FOXA1: variants seen among roughly 807,000 people sequenced by gnomAD.
The protein encoded by FOXA1 is hepatocyte nuclear factor 3-alpha.
FOXA1 carries 9 observed loss-of-function variants against 29.2 expected under a neutral mutation model. The ratio of observed to expected loss-of-function variants is 0.31; its 90% CI spans 0.19 to 0.54. The LOEUF is 0.54. FOXA1 is among the 20% of genes least tolerant of loss of function. The pLI is 0.95. For synonymous variants in FOXA1, 340 were observed against 300.9 expected (o/e 1.13, Z -1.34); for missense variants, 644 against 681.2 (o/e 0.95, Z 0.61).
intron 1 of FOXA1, 42 bp from the exon 2 acceptor site, chr14:37,592,753 G>C: frequency 6.2e-7 from 1 of 1,603,176 alleles, no homozygotes; most frequent in East Asian, 2.2e-5. Flanking sequence ...GGAGGGCGGG[G>C]TTAGTGGTGG....
chr14:37,590,682 G>A lies in FOXA1; in HGVS notation c.*683C>T, dbSNP rs1275782659. 1.3e-5 allele frequency: 3 copies of A among 231,076 alleles called. No homozygotes were observed. The highest frequency in any genetic ancestry group is 1.3e-4 in the East Asian group (2 of 15,926). 14.3% of individuals were successfully genotyped at this position (231,076 alleles called of 1,614,324 possible). ...TATGTTATGTAAATATACGGAGGATGTCTACACATCTGAGCATGTGCATAA... is the reference window on the plus strand; with the variant it reads ...TATGTTATGTAAATATACGGAGGATATCTACACATCTGAGCATGTGCATAA... On this transcript the variant is annotated 3_prime_UTR_variant, in exon 2 of 2. Coordinates refer to ENST00000250448, the MANE Select transcript of FOXA1 (RefSeq NM_004496.5).
chr14:37,593,923 C>A, intron 1 of FOXA1: 1 of 424,730 alleles, frequency 2.4e-6, no homozygotes, highest in African/African-American at 2.2e-5. Context: ...AATATGAGAA[C>A]AAATAGATTT....
At chr14:37,594,679 C>T (rs1164757143) in intron 1 of FOXA1, 1 of 237,816 alleles carries the variant, frequency 4.2e-6, no homozygotes, top group African/African-American at 2.3e-5. Context: ...CCTAAAACTC[C>T]CTCTCCGGCT....
In FOXA1 at chr14:37,590,695, A is replaced by T. The variant is rs1201638256; in HGVS notation, c.*670T>A. 1 of 233,122 alleles carries T rather than the reference A, an allele frequency of 4.3e-6. No homozygotes were observed. Among genetic ancestry groups the T allele is most frequent in the Non-Finnish European group, 8.5e-6 (1 of 117,960 alleles). 14.4% of individuals were successfully genotyped at this position (233,122 alleles called of 1,614,324 possible). On this transcript the variant is annotated 3_prime_UTR_variant, in exon 2 of 2. Transcript: ENST00000250448. ...TATACGGAGGATGTCTACACATCTG[A>T]GCATGTGCATAATTAAGTCCATACA... is the stretch of plus-strand genomic sequence containing the variant.
chr14:37,594,134 G>T (rs896409630), intron 1 of FOXA1: 1 of 1,287,582 alleles, frequency 7.8e-7, no homozygotes, highest in Admixed American at 2.3e-5. Flanking sequence ...TCCAATACGC[G>T]TTTTCAATAA....
In FOXA1 at chr14:37,589,897, A is replaced by T. The variant is rs1002749626; in HGVS notation, c.*1468T>A. The T allele has an allele frequency of 1.3e-5, 3 of 231,508 alleles. No homozygotes were observed. The highest frequency in any genetic ancestry group is 2.6e-5 in the Non-Finnish European group (3 of 117,128). 14.3% of individuals were successfully genotyped at this position (231,508 alleles called of 1,614,324 possible). A position where few individuals can be genotyped will look rare whatever the true frequency, so the allele number is the denominator to read the frequency against. On this transcript the variant is annotated 3_prime_UTR_variant, in exon 2 of 2. Coordinates refer to ENST00000250448, the MANE Select transcript of FOXA1 (RefSeq NM_004496.5). ...AATTTTATTTTCATTTTTGTCATTT[A>T]TATTCAGTTCTAGAATTTGAAAAAT...
intron 1 of FOXA1, chr14:37,594,445 G>C: frequency 1.1e-6 from 1 of 943,732 alleles, no homozygotes; most frequent in Non-Finnish European, 1.3e-6. Context: ...TCATTATTGA[G>C]ACACCCAACT....
chr14:37,594,248 G>A (rs2095599443), intron 1 of FOXA1: 1 of 1,269,362 alleles, frequency 7.9e-7, no homozygotes, highest in Non-Finnish European at 1.0e-6. Context: ...ATCCTTTTGT[G>A]CACATTGTAA....
At chr14:37,594,871 A>C (rs977327319) in intron 1 of FOXA1, 30 bp downstream of exon 1, 1 of 1,518,322 alleles carries the variant, frequency 6.6e-7, no homozygotes. Flanking sequence ...GCGGCGCCCC[A>C]CCGGCCGCCC....
rs1352571715 is a variant in FOXA1 at position 37,590,902 on chromosome 14, A to C, written c.*463T>G. On this transcript the variant is annotated 3_prime_UTR_variant, in exon 2 of 2. Coordinates refer to ENST00000250448, the MANE Select transcript of FOXA1 (RefSeq NM_004496.5). Reference sequence around the variant, plus strand: ...TTGTTTCTTCACCATTTCAATTCTTATGGTTAAGAGTATTGCCACAGACCT... The same window carrying C: ...TTGTTTCTTCACCATTTCAATTCTTCTGGTTAAGAGTATTGCCACAGACCT... 10 of 305,640 alleles carry C rather than the reference A, an allele frequency of 3.3e-5. No homozygotes were observed. The highest frequency in any genetic ancestry group is 6.2e-5 in the Non-Finnish European group (10 of 162,264). 18.9% of individuals were successfully genotyped at this position (305,640 alleles called of 1,614,324 possible).
chr14:37,589,946 C>T lies in FOXA1; in HGVS notation c.*1419G>A, dbSNP rs1325871902. ...ATATCGTATTCAGAAATATTCACTT[C>T]GGATTTAGTTAAGTGAAAAAAAATA... On this transcript the variant is annotated 3_prime_UTR_variant, in exon 2 of 2. Transcript: ENST00000250448. The T allele has an allele frequency of 8.6e-6, 2 of 231,644 alleles. No homozygotes were observed. Among genetic ancestry groups the T allele is most frequent in the African/African-American group, 4.4e-5 (2 of 45,202 alleles). 14.3% of individuals were successfully genotyped at this position (231,644 alleles called of 1,614,324 possible).
rs397977776 is a variant in FOXA1, at chr14:37,589,736, A to AG, written c.*1628_*1629insC. Among the ~76,000 whole-genome samples, 4 of 149,402 alleles carry AG rather than the reference A, an allele frequency of 2.7e-5. No individual in the cohort carries two copies. The highest frequency in any genetic ancestry group is 9.9e-5 in the African/African-American group (4 of 40,242). ...GCCGGTGTCAAAAAAAAAAAAAAAA[A>AG]TGAAGTAAACATCACTGGGAATAAA... On this transcript the variant is annotated 3_prime_UTR_variant, in exon 2 of 2. Coordinates refer to ENST00000250448, the MANE Select transcript of FOXA1 (RefSeq NM_004496.5).
At chr14:37,594,711 G>A in intron 1 of FOXA1, 190 bp downstream of exon 1, 1 of 275,128 alleles carries the variant, frequency 3.6e-6, no homozygotes, top group Admixed American at 5.4e-5. Context: ...GACAGAGCAG[G>A]GCAGCAGGTC....
chr14:37,591,828 T>G lies in FOXA1; in HGVS notation c.956A>C (p.Gln319Pro). 6.9e-7 allele frequency: 1 copy of G among 1,456,392 alleles called. No homozygotes were observed. Among genetic ancestry groups the G allele is most frequent in the Non-Finnish European group, 9.0e-7 (1 of 1,109,160 alleles). The allele number at this position is 1,456,392 out of a possible 1,614,324, so 90.2% of individuals were successfully genotyped here. A position where few individuals can be genotyped will look rare whatever the true frequency, so the allele number is the denominator to read the frequency against. The stretch of plus-strand genomic sequence containing the variant: ...CCCGGGGGCCGGCGCGCCCTCTAGC[T>G]GGCCGGTCTTCCCGTGCACACCCCG... ...LHRGVHGKTG[Q>P]LEGAPAPGPA... is the part of the protein sequence containing the mutation. The change falls in exon 2 of 2, where the codon CAG (glutamine) becomes CCG (proline). Residue 319 changes from glutamine to proline, a missense_variant. Transcript: ENST00000250448.
At position 37,589,835 on chromosome 14, in the gene FOXA1, T is replaced by G. The variant is rs1379989436; in HGVS notation, c.*1530A>C. The G allele has an allele frequency of 8.7e-6, 2 of 230,318 alleles. No homozygotes were observed. Among genetic ancestry groups the G allele is most frequent in the African/African-American group, 4.4e-5 (2 of 45,212 alleles). The allele number at this position is 230,318 out of a possible 1,614,324, so 14.3% of individuals were successfully genotyped here. A position where few individuals can be genotyped will look rare whatever the true frequency, so the allele number is the denominator to read the frequency against. ...TTACTTGAATTTCTTTCACTCCTTT[T>G]TACTAGCTACACATTCATTATAACA... On this transcript the variant is annotated 3_prime_UTR_variant, in exon 2 of 2. Coordinates refer to ENST00000250448, the MANE Select transcript of FOXA1 (RefSeq NM_004496.5).
At chr14:37,593,890 C>G in intron 1 of FOXA1, 1 of 287,168 alleles carries the variant, frequency 3.5e-6, no homozygotes, top group Non-Finnish European at 6.0e-6. Context: ...TTATTTTAAT[C>G]AGCAAGTATG....
rs765506027 is a variant in FOXA1, at chr14:37,591,548, C to T, written c.1236G>A (p.Gln412=). 2.5e-6 allele frequency: 4 copies of T among 1,614,248 alleles called. No individual in the cohort carries two copies. Among genetic ancestry groups the T allele is most frequent in the South Asian group, 1.1e-5 (1 of 91,084 alleles). The change falls in exon 2 of 2, where the codon CAG becomes CAA. Residue 412 remains glutamine, a synonymous_variant. Transcript: ENST00000250448. The part of the protein sequence containing the change: ...INNLMSSSEQ[Q]HKLDFKAYEQ... ...CGTATGCCTTGAAGTCCAGCTTATGCTGCTGCTCCGAGGAGGACATGAGGT... is the reference window on the plus strand; with the variant it reads ...CGTATGCCTTGAAGTCCAGCTTATGTTGCTGCTCCGAGGAGGACATGAGGT...
rs971278975 is a variant in FOXA1, at chr14:37,590,420, A to C, written c.*945T>G. On this transcript the variant is annotated 3_prime_UTR_variant, in exon 2 of 2. Transcript: ENST00000250448. ...TGTAATATTCCCTTTTACTGAAAAA[A>C]AAATTCTTTAAATGGTATACACTCA... is the stretch of plus-strand genomic sequence containing the variant. 4.4e-6 allele frequency: 1 copy of C among 228,456 alleles called. No homozygotes were observed. The highest frequency in any genetic ancestry group is 8.7e-6 in the Non-Finnish European group (1 of 115,282). 14.2% of individuals were successfully genotyped at this position (228,456 alleles called of 1,614,324 possible).
In FOXA1 at chr14:37,594,447, C is replaced by T. The variant is rs908642877; in HGVS notation, c.72+454G>A. 7.5e-6 allele frequency: 7 copies of T among 935,032 alleles called. No individual in the cohort carries two copies. The African/African-American group carries it at 1.1e-4, about 14-fold the overall frequency. The allele number at this position is 935,032 out of a possible 1,614,324, so 57.9% of individuals were successfully genotyped here. On this transcript the variant is annotated intron_variant, in intron 1 of 1. Transcript: ENST00000250448. ...TTTAGAAATCGTTTCATTATTGAGA[C>T]ACCCAACTTGGCGGCAGAGCGCTTT...
Sources: gnomAD v4.1 joint callset for allele counts (sites outside exome capture counted in the v4.1 genomes callset) on GRCh38, gnomAD v4.1.1 for gene constraint, MANE v1.5 for transcripts, NCBI Gene and HGNC (gene_info 2026-07-23, HGNC 2026-07-21) for gene names.